Variants in CAMTA1 observed in about 807,000 individuals in gnomAD.
The protein encoded by CAMTA1 is calmodulin-binding transcription activator 1.
In CAMTA1, 27 loss-of-function variants were observed where a neutral mutation model predicts 170.9. That is an observed-to-expected ratio of 0.16 (90% CI 0.12 to 0.22). The LOEUF is 0.22. Among genes scored for constraint, CAMTA1 ranks in the 10% least tolerant of loss-of-function variants. The pLI is 1.00. For missense variants in CAMTA1, 1,619 were observed against 2,217.2 expected (o/e 0.73, Z 5.42); for synonymous variants, 833 against 891.5 (o/e 0.93, Z 1.17).
chr1:7,591,612 G>C (rs906898310), intron 6 of CAMTA1, among the ~76,000 whole-genome samples: 2 of 152,212 alleles, frequency 1.3e-5, no homozygotes, highest in African/African-American at 4.8e-5. Flanking sequence ...CTCCCATTTG[G>C]AGGGTCAGTG....
At chr1:6,928,268 T>C (rs995593419) in intron 3 of CAMTA1, among the ~76,000 whole-genome samples, 17 of 152,218 alleles carry the variant, frequency 1.1e-4, no homozygotes, top group Non-Finnish European at 2.2e-4. Context: ...ATTCCCTTTG[T>C]TGTTTTGGTG....
intron 11 of CAMTA1, among the ~76,000 whole-genome samples, chr1:7,704,044 G>A (rs1410485656): frequency 2.0e-5 from 3 of 150,204 alleles, no homozygotes; most frequent in Non-Finnish European, 3.0e-5. Context: ...ACCGTCCTCC[G>A]CCCCGCCCTG....
intron 6 of CAMTA1, among the ~76,000 whole-genome samples, chr1:7,548,280 T>C (rs2094727708): frequency 6.6e-6 from 1 of 152,120 alleles, no homozygotes; most frequent in Non-Finnish European, 1.5e-5. Flanking sequence ...CTTTGCCACC[T>C]CCCCCAACTC....
At chr1:7,071,485 T>C (rs1009661315) in intron 3 of CAMTA1, among the ~76,000 whole-genome samples, 53 of 152,346 alleles carry the variant, frequency 3.5e-4, no homozygotes, top group African/African-American at 1.2e-3. Context: ...ACTTTCTATA[T>C]TTCAAATCGT....
At chr1:7,292,441 G>A (rs370438089) in intron 5 of CAMTA1, among the ~76,000 whole-genome samples, 52 of 152,246 alleles carry the variant, frequency 3.4e-4, no homozygotes, top group East Asian at 3.1e-3. Context: ...TGAACACTCC[G>A]GAGAGGCTGG....
intron 3 of CAMTA1, among the ~76,000 whole-genome samples, chr1:7,053,787 G>A (rs901080510): frequency 6.6e-6 from 1 of 152,192 alleles, no homozygotes; most frequent in African/African-American, 2.4e-5. Flanking sequence ...TGTGTCCCCA[G>A]CGCCCATAGC....
chr1:7,650,798 G>C (rs895136951), intron 7 of CAMTA1, among the ~76,000 whole-genome samples: 1 of 152,232 alleles, frequency 6.6e-6, no homozygotes, highest in Non-Finnish European at 1.5e-5. Flanking sequence ...AAATTGAATA[G>C]TATGTGGGTG....
intron 4 of CAMTA1, among the ~76,000 whole-genome samples, chr1:7,111,149 C>T (rs2148376182): frequency 6.6e-6 from 1 of 152,322 alleles, no homozygotes; most frequent in South Asian, 2.1e-4. Context: ...TCCTGAGTCC[C>T]CCTTCTACTT....
At chr1:6,888,930 G>A (rs182540121) in intron 3 of CAMTA1, among the ~76,000 whole-genome samples, 16 of 151,972 alleles carry the variant, frequency 1.1e-4, no homozygotes, top group Admixed American at 6.5e-4. Context: ...AACTTGTAAC[G>A]AATTGTTTAA....
At chr1:7,595,437 A>G (rs2095392272) in intron 6 of CAMTA1, among the ~76,000 whole-genome samples, 1 of 152,230 alleles carries the variant, frequency 6.6e-6, no homozygotes, top group Non-Finnish European at 1.5e-5. Context: ...AAATTAATGT[A>G]TAAACTTAGT....
chr1:7,492,526 T>A (rs989891631), intron 6 of CAMTA1, among the ~76,000 whole-genome samples: 2 of 152,174 alleles, frequency 1.3e-5, no homozygotes, highest in Middle Eastern at 3.2e-3. Flanking sequence ...CATCCGCTCC[T>A]GCATAGCACT....
At chr1:6,803,282 G>A (rs17029864) in intron 1 of CAMTA1, among the ~76,000 whole-genome samples, 31,603 of 152,114 alleles carry the variant, frequency 0.21, 3,463 homozygotes, top group East Asian at 0.29. Flanking sequence ...AATGGGAGAC[G>A]TTGCCTTCAG....
chr1:7,566,693 G>A (rs2095047042), intron 6 of CAMTA1, among the ~76,000 whole-genome samples: 1 of 152,188 alleles, frequency 6.6e-6, no homozygotes, highest in Non-Finnish European at 1.5e-5. Flanking sequence ...AGTCCCTCTG[G>A]GCTGTGTCAC....
chr1:7,737,607 A>G (rs998377652), intron 15 of CAMTA1, 37 bp downstream of exon 15: 15 of 1,550,228 alleles, frequency 9.7e-6, no homozygotes, highest in Non-Finnish European at 1.1e-5. Context: ...AGAGCTTGAC[A>G]GAGATCCCGT....
rs1643364278 is a variant in CAMTA1 at position 7,104,359 on chromosome 1, T to TA, written c.302+12988_302+12989insA. Among the ~76,000 whole-genome samples the TA allele has an allele frequency of 2.7e-5, 3 of 110,540 alleles. No individual in the cohort carries two copies. The South Asian group carries it at 9.6e-4, about 35-fold the overall frequency. The allele number at this position is 110,540 out of a possible 152,430, so 72.5% of individuals were successfully genotyped here. On this transcript the variant is annotated intron_variant, in intron 4 of 22. Coordinates refer to ENST00000303635, the MANE Select transcript of CAMTA1 (RefSeq NM_015215.4). ...TACATGTACACACATGCATAAATAC[T>TA]CAATACACATACACACACACACACA...
chr1:7,701,354 CT>C (rs1431456218), intron 11 of CAMTA1, among the ~76,000 whole-genome samples: 15 of 152,306 alleles, frequency 9.8e-5, no homozygotes, highest in African/African-American at 3.4e-4. Context: ...GATCCACCCC[CT>C]GGGTTCATCC....
intron 4 of CAMTA1, among the ~76,000 whole-genome samples, chr1:7,105,097 T>C (rs1302999358): frequency 6.6e-6 from 1 of 152,222 alleles, no homozygotes; most frequent in Non-Finnish European, 1.5e-5. Flanking sequence ...TCTGCAAGGA[T>C]ATGTATGAGT....
intron 4 of CAMTA1, among the ~76,000 whole-genome samples, chr1:7,164,772 TAAGAG>T (rs933648181): frequency 6.6e-6 from 1 of 152,234 alleles, no homozygotes; most frequent in African/African-American, 2.4e-5. Flanking sequence ...TTAATCGAAC[TAAGAG>T]AAGAGCCCTG....
chr1:7,403,039 G>A (rs1202142036), intron 5 of CAMTA1, among the ~76,000 whole-genome samples: 1 of 152,162 alleles, frequency 6.6e-6, no homozygotes, highest in Non-Finnish European at 1.5e-5. Context: ...AGCTCTTTGG[G>A]ACACTAAGAT....
Sources: allele counts gnomAD v4.1 joint callset (sites outside exome capture counted in the v4.1 genomes callset), GRCh38; gene constraint gnomAD v4.1.1; transcripts MANE v1.5; gene names NCBI Gene and HGNC (gene_info 2026-07-23, HGNC 2026-07-21).